The following TRPM8 variants were observed in gnomAD, a reference collection of about 807,000 sequenced individuals.
The protein encoded by TRPM8 is transient receptor potential cation channel subfamily M member 8.
A neutral mutation model predicts 133.7 loss-of-function variants in TRPM8; 110 were observed. The ratio of observed to expected loss-of-function variants is 0.82; its 90% CI spans 0.70 to 0.96. The LOEUF is 0.96. Among genes scored for constraint, TRPM8 ranks in the 40% least tolerant of loss-of-function variants. The probability of loss-of-function intolerance (pLI) is 0.00; values close to 1 mark genes in which losing one functional copy is unlikely to be tolerated. For synonymous variants in TRPM8, 535 were observed against 532.3 expected, an observed-to-expected ratio of 1.01 and a Z score of -0.07; for missense variants, 1,291 against 1,379.5, an observed-to-expected ratio of 0.94 and a Z score of 1.02.
intron 22 of TRPM8, among the ~76,000 whole-genome samples, chr2:234,002,893 T>C (rs1692605005): frequency 6.6e-6 from 1 of 152,172 alleles, no homozygotes; most frequent in Non-Finnish European, 1.5e-5. Context: ...GGGTATTTGA[T>C]AAAATGGTCA....
chr2:233,970,517 T>C (rs1691688052), intron 17 of TRPM8, 91 bp downstream of exon 17: 1 of 1,248,646 alleles, frequency 8.0e-7, no homozygotes, highest in African/African-American at 1.5e-5. Context: ...CTTCTGAAGT[T>C]CAAAAGTCAC....
rs760914751 is a variant in TRPM8 at position 233,960,878 on chromosome 2, AC to A, written c.1468del (p.His490MetfsTer59). On this transcript the variant is annotated frameshift_variant, in exon 12 of 26. Transcript: ENST00000324695. LOFTEE classifies it high-confidence loss of function. ...ENGLNLRKFL[T>X]HDVLTELFSN... The stretch of plus-strand genomic sequence containing the variant: ...TGGCTTGAACCTACGGAAGTTTCTC[AC>A]CCATGATGTCCTCACTGAACTCTTC... 1.9e-6 allele frequency: 3 copies of A among 1,614,150 alleles called. No homozygotes were observed. The highest frequency in any genetic ancestry group is 2.5e-6 in the Non-Finnish European group (3 of 1,180,030).
At chr2:234,015,282 A>C (rs1692931200) in intron 25 of TRPM8, among the ~76,000 whole-genome samples, 1 of 151,970 alleles carries the variant, frequency 6.6e-6, no homozygotes, top group African/African-American at 2.4e-5. Flanking sequence ...AAATCTTGAA[A>C]CCAAATGTTA....
chr2:233,981,675 A>G, intron 18 of TRPM8, 99 bp from the exon 19 acceptor site: 1 of 1,284,698 alleles, frequency 7.8e-7, no homozygotes, highest in South Asian at 1.5e-5. Context: ...TCAACCTTCC[A>G]GCTCTTGCCT....
At chr2:233,961,594 G>A (rs1031916037) in intron 12 of TRPM8, among the ~76,000 whole-genome samples, 5 of 148,648 alleles carry the variant, frequency 3.4e-5, no homozygotes, top group East Asian at 4.0e-4. Context: ...ATAAGCCACC[G>A]TGCCCGGCCT....
intron 6 of TRPM8, among the ~76,000 whole-genome samples, chr2:233,945,591 G>A (rs542345244): frequency 1.3e-5 from 2 of 152,298 alleles, no homozygotes; most frequent in South Asian, 4.1e-4. Context: ...CCAAGAATGG[G>A]ACTGGGAATC....
intron 21 of TRPM8, among the ~76,000 whole-genome samples, chr2:233,987,420 T>C (rs923709583): frequency 2.0e-5 from 3 of 152,168 alleles, no homozygotes; most frequent in Non-Finnish European, 2.9e-5. Flanking sequence ...GAAAAGACAA[T>C]TGTCAAATAG....
intron 20 of TRPM8, among the ~76,000 whole-genome samples, chr2:233,984,187 C>A (rs1020377719): frequency 1.3e-5 from 2 of 152,214 alleles, no homozygotes; most frequent in African/African-American, 2.4e-5. Flanking sequence ...GAAGTGACTC[C>A]ATTTTGCTGT....
At chr2:234,015,715 T>C (rs1219939336) in intron 25 of TRPM8, among the ~76,000 whole-genome samples, 2 of 152,226 alleles carry the variant, frequency 1.3e-5, no homozygotes, top group Non-Finnish European at 2.9e-5. Context: ...CTGATGCACA[T>C]TTGATGTAAT....
Position 233,966,604 on chromosome 2 carries a change from CT to C in TRPM8, c.1880-5del, listed in dbSNP as rs1456669439. ...CCAGCTTCTCTCTGTGCTGATGTCGCTGTAGAGCTGTTCACTGAGTGTTACA... is the reference window on the plus strand; with the variant it reads ...CCAGCTTCTCTCTGTGCTGATGTCGCGTAGAGCTGTTCACTGAGTGTTACA... On this transcript the variant is annotated splice_region_variant and splice_polypyrimidine_tract_variant and intron_variant, in intron 14 of 25. Coordinates refer to ENST00000324695, the MANE Select transcript of TRPM8 (RefSeq NM_024080.5). 8 of 1,613,936 alleles carry C rather than the reference CT, an allele frequency of 5.0e-6. No homozygotes were observed. The highest frequency in any genetic ancestry group is 6.8e-6 in the Non-Finnish European group (8 of 1,180,026).
At chr2:233,954,547 G>A (rs1691246198) in intron 10 of TRPM8, among the ~76,000 whole-genome samples, 1 of 152,166 alleles carries the variant, frequency 6.6e-6, no homozygotes, top group South Asian at 2.1e-4. Flanking sequence ...ATAGATCCTT[G>A]GTTGTCTAGA....
At chr2:233,927,710 C>G (rs1371004124) in intron 2 of TRPM8, among the ~76,000 whole-genome samples, 2 of 13,552 alleles carry the variant, frequency 1.5e-4, no homozygotes, top group African/African-American at 7.1e-4. Flanking sequence ...GAGTCTGTCT[C>G]TTTCTTTCTT....
intron 23 of TRPM8, 62 bp from the exon 24 acceptor site, chr2:234,008,008 A>G: frequency 6.8e-7 from 1 of 1,479,600 alleles, no homozygotes. Context: ...AATGGAGCCT[A>G]ATAGCCCTCT....
At chr2:234,017,161 A>G in intron 25 of TRPM8, 138 bp from the exon 26 acceptor site, 1 of 352,730 alleles carries the variant, frequency 2.8e-6, no homozygotes, top group Non-Finnish European at 5.6e-6. Context: ...TATAAAAAAA[A>G]AAATCTCTCA....
At chr2:233,937,700 C>T (rs1272811612) in intron 4 of TRPM8, among the ~76,000 whole-genome samples, 191 bp downstream of exon 4, 2 of 152,140 alleles carry the variant, frequency 1.3e-5, no homozygotes, top group Non-Finnish European at 2.9e-5. Context: ...AACAGGAAAA[C>T]TCAACAGGTT....
chr2:233,936,958 G>A (rs534739136), intron 3 of TRPM8, among the ~76,000 whole-genome samples: 12 of 144,838 alleles, frequency 8.3e-5, no homozygotes, highest in Non-Finnish European at 7.4e-5. Flanking sequence ...GTGCAGTGGC[G>A]CGATCTCAGC....
At position 234,014,493 on chromosome 2, in the gene TRPM8, A is replaced by G; in HGVS notation, c.3265-69A>G. 4 of 936,436 alleles carry G rather than the reference A, an allele frequency of 4.3e-6. No homozygotes were observed. In the South Asian group the frequency reaches 6.9e-5, roughly 16 times the overall value. The allele number at this position is 936,436 out of a possible 1,614,324, so 58.0% of individuals were successfully genotyped here. A position where few individuals can be genotyped will look rare whatever the true frequency, so the allele number is the denominator to read the frequency against. ...TGTCTGTTTCTTAGAAAAGGCACAG[A>G]GCGATAATTTAAAAATGAAAGTTGG... On this transcript the variant is annotated intron_variant, in intron 24 of 25. Coordinates refer to ENST00000324695, the MANE Select transcript of TRPM8 (RefSeq NM_024080.5).
At chr2:233,981,632 G>A in intron 18 of TRPM8, 142 bp from the exon 19 acceptor site, 1 of 721,456 alleles carries the variant, frequency 1.4e-6, no homozygotes, top group East Asian at 2.8e-5. Context: ...CATGGCCTCT[G>A]CTGGGTGGTG....
intron 5 of TRPM8, among the ~76,000 whole-genome samples, chr2:233,940,016 T>C (rs1690865270): frequency 6.6e-6 from 1 of 152,058 alleles, no homozygotes. Flanking sequence ...CATTCTTTTT[T>C]CTCAGTTTGT....
Sources: allele counts gnomAD v4.1 joint callset (sites outside exome capture counted in the v4.1 genomes callset), GRCh38; gene constraint gnomAD v4.1.1; transcripts MANE v1.5; gene names NCBI Gene and HGNC (gene_info 2026-07-23, HGNC 2026-07-21).